The following ATP6V1C1 variants were observed in gnomAD, a reference collection of about 807,000 sequenced individuals.
ATP6V1C1 encodes the protein ATPase H+ transporting V1 subunit C1.
Under a neutral mutation model 53.9 loss-of-function variants are expected in ATP6V1C1, and 45 were observed. The observed-to-expected ratio is 0.83, with a 90% CI of 0.66 to 1.07. The LOEUF is 1.07. Among genes scored for constraint, ATP6V1C1 ranks in the 50% least tolerant of loss-of-function variants. The pLI is 0.00. For missense variants in ATP6V1C1, 315 were observed against 440.3 expected, an observed-to-expected ratio of 0.72 and a Z score of 2.55; for synonymous variants, 153 against 155.2, an observed-to-expected ratio of 0.99 and a Z score of 0.11.
intron 1 of ATP6V1C1, among the ~76,000 whole-genome samples, chr8:103,023,371 TC>T (rs1284657561): frequency 6.7e-6 from 1 of 149,504 alleles, no homozygotes; most frequent in Non-Finnish European, 1.5e-5. Context: ...ATTGTTGTAA[TC>T]CACTGAAGGA....
intron 12 of ATP6V1C1, among the ~76,000 whole-genome samples, chr8:103,068,004 G>GT (rs1441589170): frequency 1.3e-5 from 2 of 152,122 alleles, no homozygotes; most frequent in Admixed American, 1.3e-4. Flanking sequence ...ATCCTTGCTT[G>GT]TTTTTTGGCT....
At chr8:103,048,423 C>T (rs1344123075) in intron 3 of ATP6V1C1, among the ~76,000 whole-genome samples, 3 of 152,176 alleles carry the variant, frequency 2.0e-5, no homozygotes, top group African/African-American at 7.2e-5. Flanking sequence ...ATGACTATTG[C>T]TTACGTTCTC....
Position 103,040,820 on chromosome 8 carries a change from A to T in ATP6V1C1, c.-17A>T. 1 of 1,603,322 alleles carries T rather than the reference A, an allele frequency of 6.2e-7. No individual in the cohort carries two copies. Among genetic ancestry groups the T allele is most frequent in the Non-Finnish European group, 8.5e-7 (1 of 1,175,604 alleles). On this transcript the variant is annotated 5_prime_UTR_variant, in exon 2 of 13. Transcript: ENST00000518738. ...CAGAATCTCTCTTGATTTTTGAGGA[A>T]ATACCTAGTAACAAACATGACTGAG...
chr8:103,040,522 T>C (rs1816979899), intron 1 of ATP6V1C1, among the ~76,000 whole-genome samples: 1 of 152,208 alleles, frequency 6.6e-6, no homozygotes. Context: ...ACTTCTTGGC[T>C]AACTCCCGTT....
chr8:103,051,527 T>G (rs1217236724), intron 5 of ATP6V1C1, among the ~76,000 whole-genome samples: 2 of 152,150 alleles, frequency 1.3e-5, no homozygotes, highest in Non-Finnish European at 2.9e-5. Context: ...CATACAATAC[T>G]TGTTCAAACA....
intron 3 of ATP6V1C1, among the ~76,000 whole-genome samples, chr8:103,047,581 T>C (rs1302568467): frequency 6.6e-6 from 1 of 152,096 alleles, no homozygotes; most frequent in Non-Finnish European, 1.5e-5. Flanking sequence ...CTGTTTCGAC[T>C]GTGTTATGTC....
chr8:103,069,372 G>A lies in ATP6V1C1; in HGVS notation c.*625G>A, dbSNP rs1377641646. On this transcript the variant is annotated 3_prime_UTR_variant, in exon 13 of 13. Coordinates refer to ENST00000518738, the MANE Select transcript of ATP6V1C1 (RefSeq NM_001695.5). ...CTTGCTATGCTGCTTCCAGGATTTT[G>A]TTATATGCTGAGGTGTAACCATTTG... The A allele has an allele frequency of 6.6e-6, 1 of 152,192 alleles. No homozygotes were observed. The highest frequency in any genetic ancestry group is 1.5e-5 in the Non-Finnish European group (1 of 68,022). The allele number at this position is 152,192 out of a possible 1,614,324, so 9.4% of individuals were successfully genotyped here. A position where few individuals can be genotyped will look rare whatever the true frequency, so the allele number is the denominator to read the frequency against.
rs188379542 is a variant in ATP6V1C1, at chr8:103,069,884, T to A, written c.*1137T>A. 2 of 152,194 alleles carry A rather than the reference T, an allele frequency of 1.3e-5. No homozygotes were observed. Among genetic ancestry groups the A allele is most frequent in the African/African-American group, 4.8e-5 (2 of 41,442 alleles). 9.4% of individuals were successfully genotyped at this position (152,194 alleles called of 1,614,324 possible). ...CAAAATCTTTTGTTTCAAAATATTA[T>A]ATTATTTCATAAATAATTTCAAGCA... On this transcript the variant is annotated 3_prime_UTR_variant, in exon 13 of 13. Coordinates refer to ENST00000518738, the MANE Select transcript of ATP6V1C1 (RefSeq NM_001695.5).
At chr8:103,028,611 A>G (rs1329761898) in intron 1 of ATP6V1C1, among the ~76,000 whole-genome samples, 1 of 152,264 alleles carries the variant, frequency 6.6e-6, no homozygotes, top group African/African-American at 2.4e-5. Flanking sequence ...TAGTGAGTAT[A>G]GGAGCAGAAG....
Position 103,068,742 on chromosome 8 carries a change from A to G in ATP6V1C1, c.1144A>G (p.Lys382Glu). 1 of 1,608,950 alleles carries G rather than the reference A, an allele frequency of 6.2e-7. No individual in the cohort carries two copies. Among genetic ancestry groups the G allele is most frequent in the Non-Finnish European group, 8.5e-7 (1 of 1,177,604 alleles). ...YKIDCNLLEF[K>E] ...GATTGATTGCAACTTGCTGGAATTC[A>G]AGTGAAAATGGGCTCCTCCCCCGAC... Residue 382 changes from lysine to glutamate, a missense_variant, in exon 13 of 13, where the codon AAG becomes GAG. Physicochemically the swap from Lys to Glu is moderately conservative, Grantham distance 56 (BLOSUM62 1). Transcript: ENST00000518738.
chr8:103,046,685 C>T (rs766424558), intron 3 of ATP6V1C1, among the ~76,000 whole-genome samples: 5 of 152,136 alleles, frequency 3.3e-5, no homozygotes, highest in Admixed American at 6.5e-5. Context: ...AAAATCATGT[C>T]GTTGTTAGAC....
chr8:103,068,446 G>T (rs572074944), intron 12 of ATP6V1C1, among the ~76,000 whole-genome samples: 18 of 152,164 alleles, frequency 1.2e-4, no homozygotes, highest in Non-Finnish European at 2.5e-4. Flanking sequence ...ACCACTCACT[G>T]TCTGTGTTTC....
intron 3 of ATP6V1C1, among the ~76,000 whole-genome samples, chr8:103,043,869 T>G (rs975607014): frequency 2.0e-5 from 3 of 152,078 alleles, no homozygotes; most frequent in African/African-American, 7.2e-5. Context: ...TATTTTCTCC[T>G]GTTCTGTGAG....
At chr8:103,059,043 G>A (rs548199381) in intron 8 of ATP6V1C1, among the ~76,000 whole-genome samples, 1 of 151,562 alleles carries the variant, frequency 6.6e-6, no homozygotes, top group African/African-American at 2.4e-5. Context: ...CAGATCACTG[G>A]TTAACTTTTG....
chr8:103,063,038 G>GAGAAAACA lies in ATP6V1C1; in HGVS notation c.728_734+1dup. The GAGAAAACA allele has an allele frequency of 6.2e-7, 1 of 1,613,686 alleles. No homozygotes were observed. The highest frequency in any genetic ancestry group is 8.5e-7 in the Non-Finnish European group (1 of 1,179,778). ...GTTGATGACTTCAGACACAAAGCCA[G>GAGAAAACA]AGAAAACAAGTAAGATTATTGTTTT... is the stretch of plus-strand genomic sequence containing the variant. On this transcript the variant is annotated frameshift_variant, in exon 9 of 13. Transcript: ENST00000518738. LOFTEE classifies it high-confidence loss of function.
chr8:103,066,000 C>T (rs1344591861), intron 11 of ATP6V1C1, among the ~76,000 whole-genome samples: 1 of 152,012 alleles, frequency 6.6e-6, no homozygotes, highest in Non-Finnish European at 1.5e-5. Flanking sequence ...CAGGATTGCA[C>T]CACTGCACTC....
Position 103,069,592 on chromosome 8 carries a change from G to T in ATP6V1C1, c.*845G>T, listed in dbSNP as rs1291629697. ...AGCTTTAGTCATTTGTTTTGTCTAAGTCTGTATTTTATGTGTTGTCTTCTT... is the reference window on the plus strand; with the variant it reads ...AGCTTTAGTCATTTGTTTTGTCTAATTCTGTATTTTATGTGTTGTCTTCTT... On this transcript the variant is annotated 3_prime_UTR_variant, in exon 13 of 13. Coordinates refer to ENST00000518738, the MANE Select transcript of ATP6V1C1 (RefSeq NM_001695.5). 3 of 152,166 alleles carry T rather than the reference G, an allele frequency of 2.0e-5. No individual in the cohort carries two copies. In the East Asian group the frequency reaches 5.8e-4, roughly 29 times the overall value. 9.4% of individuals were successfully genotyped at this position (152,166 alleles called of 1,614,324 possible). A position where few individuals can be genotyped will look rare whatever the true frequency, so the allele number is the denominator to read the frequency against.
At chr8:103,059,161 G>A (rs1449833632) in intron 8 of ATP6V1C1, among the ~76,000 whole-genome samples, 1 of 152,212 alleles carries the variant, frequency 6.6e-6, no homozygotes, top group Non-Finnish European at 1.5e-5. Flanking sequence ...TAGCTAAGAA[G>A]TGCAGGAAGA....
In ATP6V1C1 at chr8:103,059,971, T is replaced by G. The variant is rs564602689; in HGVS notation, c.642-2984T>G. On this transcript the variant is annotated intron_variant, in intron 8 of 12. Coordinates refer to ENST00000518738, the MANE Select transcript of ATP6V1C1 (RefSeq NM_001695.5). ...TGTATATATATATTGTTTTTCTTTCTTTCTTTTTTTTTTTTTTTGAGACAC... is the reference window on the plus strand; with the variant it reads ...TGTATATATATATTGTTTTTCTTTCGTTCTTTTTTTTTTTTTTTGAGACAC... Among the ~76,000 whole-genome samples, 7 of 150,384 alleles carry G rather than the reference T, an allele frequency of 4.7e-5. No individual in the cohort carries two copies. The East Asian group carries it at 1.4e-3, about 29-fold the overall frequency.
Sources: gnomAD v4.1 joint callset for allele counts (sites outside exome capture counted in the v4.1 genomes callset) on GRCh38, gnomAD v4.1.1 for gene constraint, MANE v1.5 for transcripts, NCBI Gene and HGNC (gene_info 2026-07-23, HGNC 2026-07-21) for gene names.